Variants in SCAPER observed in about 807,000 individuals in gnomAD.
The protein encoded by SCAPER is S phase cyclin A-associated protein in the endoplasmic reticulum.
In SCAPER, 98 loss-of-function variants were observed where a neutral mutation model predicts 182.2. That is an observed-to-expected ratio of 0.54 (90% CI 0.46 to 0.64). SCAPER has a LOEUF of 0.64. Among genes scored for constraint, SCAPER ranks in the 30% least tolerant of loss-of-function variants. The pLI is 0.00. For synonymous variants in SCAPER, 605 were observed against 564.6 expected, an observed-to-expected ratio of 1.07 and a Z score of -1.01; for missense variants, 1,432 against 1,690.0, an observed-to-expected ratio of 0.85 and a Z score of 2.68.
intron 17 of SCAPER, among the ~76,000 whole-genome samples, chr15:76,725,029 G>A (rs2060496867): frequency 6.6e-6 from 1 of 151,894 alleles, no homozygotes; most frequent in South Asian, 2.1e-4. Context: ...GCTCACACTG[G>A]GAGCTGTAGA....
chr15:76,424,751 G>A (rs1165110789), intron 26 of SCAPER, among the ~76,000 whole-genome samples: 2 of 152,196 alleles, frequency 1.3e-5, no homozygotes, highest in Non-Finnish European at 2.9e-5. Flanking sequence ...TGCAGTGGCT[G>A]GTCCCGGTTG....
chr15:76,678,925 G>A (rs1026119577), intron 20 of SCAPER, among the ~76,000 whole-genome samples: 2 of 152,088 alleles, frequency 1.3e-5, no homozygotes, highest in Non-Finnish European at 2.9e-5. Flanking sequence ...TGATTCTCTG[G>A]GGGCCAGAGT....
At chr15:76,582,536 T>A (rs781215015) in intron 22 of SCAPER, among the ~76,000 whole-genome samples, 6 of 152,226 alleles carry the variant, frequency 3.9e-5, no homozygotes, top group Non-Finnish European at 8.8e-5. Context: ...ACAGTTTCAA[T>A]GCAATCTATC....
chr15:76,490,383 G>A (rs1482328753), intron 24 of SCAPER, among the ~76,000 whole-genome samples: 1 of 152,114 alleles, frequency 6.6e-6, no homozygotes, highest in Non-Finnish European at 1.5e-5. Flanking sequence ...TCCTCTGACA[G>A]TTAGGGACAT....
chr15:76,696,838 TG>T (rs2058678943), intron 20 of SCAPER, among the ~76,000 whole-genome samples: 2 of 152,210 alleles, frequency 1.3e-5, no homozygotes, highest in Admixed American at 1.3e-4. Flanking sequence ...AATTCTAAGA[TG>T]AATGAGGAAA....
intron 2 of SCAPER, among the ~76,000 whole-genome samples, chr15:76,867,151 T>C (rs191999931): frequency 9.8e-5 from 15 of 152,312 alleles, no homozygotes; most frequent in Non-Finnish European, 1.8e-4. Context: ...TTCCCCATAA[T>C]CTTGAAAAGG....
chr15:76,851,768 C>T (rs927295538), intron 4 of SCAPER, among the ~76,000 whole-genome samples: 6 of 151,974 alleles, frequency 3.9e-5, no homozygotes, highest in African/African-American at 1.2e-4. Context: ...CACTATAAAG[C>T]GGCCACACAA....
intron 2 of SCAPER, among the ~76,000 whole-genome samples, chr15:76,875,520 G>A (rs888694646): frequency 7.2e-5 from 11 of 152,072 alleles, no homozygotes; most frequent in African/African-American, 1.7e-4. Flanking sequence ...GTACGCGCCT[G>A]TAATTCCAGC....
chr15:76,522,101 T>C (rs183929131), intron 23 of SCAPER, among the ~76,000 whole-genome samples: 23 of 152,310 alleles, frequency 1.5e-4, no homozygotes, highest in African/African-American at 4.3e-4. Context: ...GATTTATACG[T>C]TCCTATTCAT....
intron 22 of SCAPER, among the ~76,000 whole-genome samples, chr15:76,615,584 A>G (rs577179177): frequency 1.4e-3 from 210 of 151,404 alleles, no homozygotes; most frequent in African/African-American, 4.8e-3. Context: ...ACTTTGGGAC[A>G]CCGAGGTAGG....
rs1568057025 is a variant in SCAPER, at chr15:76,765,372, G to A, written c.1578C>T (p.His526=). The change falls in exon 13 of 32, where the codon CAC becomes CAT. Residue 526 remains histidine (H), a synonymous_variant. Transcript: ENST00000563290. ...AGGGTGAAGAAAGTTTTTCATGCAT[G>A]TGAATTCCATGCCCTGGAGGTCTAG... ...EPARPPGHGI[H]MHEKLSSPSR... 1 of 1,613,672 alleles carries A rather than the reference G, an allele frequency of 6.2e-7. No individual in the cohort carries two copies. The highest frequency in any genetic ancestry group is 1.3e-5 in the African/African-American group (1 of 75,016).
chr15:76,376,184 G>A lies in SCAPER; in HGVS notation c.3833C>T (p.Thr1278Ile). The change falls in exon 29 of 32, where the codon ACT (threonine) becomes ATT (isoleucine). Residue 1278 changes from threonine to isoleucine, a missense_variant. This residue lies in a region of SCAPER where 718 missense variants were observed against 799.7 expected (regional missense o/e 0.90). Transcript: ENST00000563290. ...TACCTGGTTATCTGGGTGGTTGACA[G>A]TGAAGTAGCCCACACAGACGATGAC... ...HEVIVCVGYF[T>I]VNHPDNQVIV... The A allele has an allele frequency of 6.2e-7, 1 of 1,613,982 alleles. No individual in the cohort carries two copies.
At chr15:76,702,810 T>C (rs2059031662) in intron 19 of SCAPER, 40 bp downstream of exon 19, 6 of 1,566,418 alleles carry the variant, frequency 3.8e-6, no homozygotes, top group Non-Finnish European at 5.2e-6. Context: ...TAAACTTTAG[T>C]AGTAAACTAT....
chr15:76,862,964 G>A (rs1225072760), intron 2 of SCAPER, among the ~76,000 whole-genome samples: 3 of 152,214 alleles, frequency 2.0e-5, no homozygotes, highest in South Asian at 4.1e-4. Context: ...GCTAAAGTAA[G>A]TCAACATTCC....
intron 24 of SCAPER, among the ~76,000 whole-genome samples, chr15:76,482,058 A>G (rs920180461): frequency 1.3e-5 from 2 of 152,134 alleles, no homozygotes; most frequent in Non-Finnish European, 2.9e-5. Context: ...GCAGGCGCAT[A>G]ATATCTGAAT....
intron 5 of SCAPER, among the ~76,000 whole-genome samples, chr15:76,828,655 T>C (rs945823510): frequency 2.2e-4 from 34 of 152,286 alleles, no homozygotes; most frequent in Admixed American, 1.9e-3. Flanking sequence ...ACAGGGAATA[T>C]GCAGAATAAG....
intron 1 of SCAPER, among the ~76,000 whole-genome samples, chr15:76,886,803 G>C (rs1043780274): frequency 6.6e-6 from 1 of 152,136 alleles, no homozygotes; most frequent in Non-Finnish European, 1.5e-5. Context: ...ATATACACCA[G>C]GGAATACTAT....
At chr15:76,496,016 A>T (rs2040493597) in intron 24 of SCAPER, among the ~76,000 whole-genome samples, 1 of 151,242 alleles carries the variant, frequency 6.6e-6, no homozygotes, top group Non-Finnish European at 1.5e-5. Context: ...ACACACACAC[A>T]CACACACACA....
At chr15:76,698,166 T>C (rs1017742879) in intron 20 of SCAPER, among the ~76,000 whole-genome samples, 2 of 151,998 alleles carry the variant, frequency 1.3e-5, no homozygotes, top group Admixed American at 1.3e-4. Flanking sequence ...AGGCAGAAAA[T>C]TATTTGAGGC....
Sources: gnomAD v4.1 joint callset for allele counts (sites outside exome capture counted in the v4.1 genomes callset) on GRCh38, gnomAD v4.1.1 for gene constraint, gnomAD v4.1.1 regional missense constraint, MANE v1.5 for transcripts, NCBI Gene and HGNC (gene_info 2026-07-23, HGNC 2026-07-21) for gene names.